ZNF461: variants seen among roughly 807,000 people sequenced by gnomAD.
ZNF461 encodes the protein gonadotropin-inducible ovarian transcription factor-1.
Under a neutral mutation model 18.3 loss-of-function variants are expected in ZNF461, and 16 were observed. The observed-to-expected ratio is 0.88, with a 90% CI of 0.59 to 1.33. ZNF461 has a LOEUF of 1.33. Among genes scored for constraint, ZNF461 ranks in the 40% most tolerant of loss-of-function variants. ZNF461 has a pLI of 0.00. For synonymous variants in ZNF461, 179 were observed against 216.9 expected (o/e 0.83, Z 1.54); for missense variants, 595 against 669.9 (o/e 0.89, Z 1.23).
intron 4 of ZNF461, among the ~76,000 whole-genome samples, chr19:36,644,754 C>T (rs1306902820): frequency 4.6e-5 from 7 of 151,092 alleles, no homozygotes; most frequent in South Asian, 2.1e-4. Flanking sequence ...GCCACCACAT[C>T]GGCTAATTTT....
Position 36,639,825 on chromosome 19 carries a change from T to C in ZNF461, c.520A>G (p.Ile174Val). 6.2e-7 allele frequency: 1 copy of C among 1,613,902 alleles called. No individual in the cohort carries two copies. Among genetic ancestry groups the C allele is most frequent in the Non-Finnish European group, 8.5e-7 (1 of 1,179,830 alleles). The change falls in exon 6 of 6, where the codon ATT becomes GTT. Residue 174 changes from isoleucine (I) to valine (V), a missense_variant. Ile to Val is a conservative substitution (Grantham distance 29). Coordinates refer to ENST00000588268, the MANE Select transcript of ZNF461 (RefSeq NM_153257.5). ...QLMINHENMP[I>V]FSQHTLLTQE... ...GTGAGTAAAGTATGTTGGCTAAAAATGGGCATGTTTTCATGGTTAATCATA... is the reference window on the plus strand; with the variant it reads ...GTGAGTAAAGTATGTTGGCTAAAAACGGGCATGTTTTCATGGTTAATCATA...
Position 36,664,703 on chromosome 19 carries a change from C to A in ZNF461, c.4G>T (p.Ala2Ser). The A allele has an allele frequency of 5.3e-6, 8 of 1,505,990 alleles. No homozygotes were observed. Among genetic ancestry groups the A allele is most frequent in the Non-Finnish European group, 6.2e-6 (7 of 1,134,174 alleles). The allele number at this position is 1,505,990 out of a possible 1,614,324, so 93.3% of individuals were successfully genotyped here. The change falls in exon 2 of 6, where the codon GCC becomes TCC. Residue 2 changes from alanine to serine, a missense_variant. Transcript: ENST00000588268. The stretch of plus-strand genomic sequence containing the variant: ...GCAAGAAAAAACCAACTTACATGGG[C>A]CATGTCTTATTTTAGAATTGAATGT... M[A>S]HELVMFRDVA...
chr19:36,656,217 C>G (rs992120710), intron 4 of ZNF461, among the ~76,000 whole-genome samples: 1 of 151,990 alleles, frequency 6.6e-6, no homozygotes, highest in Admixed American at 6.5e-5. Flanking sequence ...GATCTCCTGA[C>G]CTCGTGATCT....
Position 36,639,450 on chromosome 19 carries a change from T to G in ZNF461, c.895A>C (p.Lys299Gln), listed in dbSNP as rs1319551355. The G allele has an allele frequency of 1.2e-6, 2 of 1,614,090 alleles. No homozygotes were observed. The highest frequency in any genetic ancestry group is 1.7e-6 in the Non-Finnish European group (2 of 1,179,990). The stretch of plus-strand genomic sequence containing the variant: ...CCACATTCTTTACATTCATAAGGTT[T>G]CTCACCAGTGTGAATTCTTTGATGT... ...TLHQRIHTGE[K>Q]PYECKECGKA... Residue 299 changes from lysine to glutamine, a missense_variant, in exon 6 of 6, where the codon AAA becomes CAA. Lys to Gln is a moderately conservative substitution (Grantham distance 53). Coordinates refer to ENST00000588268, the MANE Select transcript of ZNF461 (RefSeq NM_153257.5).
At chr19:36,652,537 A>C (rs143929764) in intron 4 of ZNF461, among the ~76,000 whole-genome samples, 2 of 152,006 alleles carry the variant, frequency 1.3e-5, no homozygotes, top group African/African-American at 4.8e-5. Flanking sequence ...AATTTCTAAA[A>C]AAGAACATTG....
chr19:36,637,682 CA>C lies in ZNF461; in HGVS notation c.*970del, dbSNP rs377169661. The C allele has an allele frequency of 0.12, 24,953 of 204,556 alleles. 25 individuals are homozygous for C. The highest frequency in any genetic ancestry group is 0.23 in the South Asian group (5,379 of 23,296). 12.7% of individuals were successfully genotyped at this position (204,556 alleles called of 1,614,324 possible). On this transcript the variant is annotated 3_prime_UTR_variant, in exon 6 of 6. Transcript: ENST00000588268. The stretch of plus-strand genomic sequence containing the variant: ...ACTGGACTCCAGCCTGGGTGTGTCT[CA>C]AAAAAAAAAAAAATGAAGTAGGCCA...
rs774279105 is a variant in ZNF461 at position 36,664,675 on chromosome 19, G to C, written c.9+23C>G. ...AACAAAAAATCAAGTATTGTAATTA[G>C]GAGCAAGAAAAAACCAACTTACATG... On this transcript the variant is annotated intron_variant, in intron 2 of 5. Transcript: ENST00000588268. 1.5e-5 allele frequency: 22 copies of C among 1,509,994 alleles called. No individual in the cohort carries two copies. In the African/African-American group the frequency reaches 3.2e-4, roughly 22 times the overall value. 93.5% of individuals were successfully genotyped at this position (1,509,994 alleles called of 1,614,324 possible).
chr19:36,662,401 T>G (rs940898698), intron 2 of ZNF461, among the ~76,000 whole-genome samples: 5 of 151,916 alleles, frequency 3.3e-5, no homozygotes, highest in Non-Finnish European at 7.4e-5. Context: ...GGATTACAGA[T>G]GCGCACCACG....
Position 36,637,144 on chromosome 19 carries a change from G to C in ZNF461, c.*1509C>G, listed in dbSNP as rs1568636864. On this transcript the variant is annotated 3_prime_UTR_variant, in exon 6 of 6. Transcript: ENST00000588268. ...TTCTATTCGCTAAATCCAATAAATT[G>C]CATGTTAGAATGCATGTTAACATTA... The C allele has an allele frequency of 6.6e-6, 1 of 151,998 alleles. No homozygotes were observed. Among genetic ancestry groups the C allele is most frequent in the South Asian group, 2.1e-4 (1 of 4,806 alleles). The allele number at this position is 151,998 out of a possible 1,614,324, so 9.4% of individuals were successfully genotyped here.
rs202104365 is a variant in ZNF461, at chr19:36,639,918, C to A, written c.427G>T (p.Ala143Ser). 3.1e-6 allele frequency: 5 copies of A among 1,613,844 alleles called. No homozygotes were observed. The Admixed American group carries it at 8.3e-5, about 27-fold the overall frequency. ...AAATGACAGTTGCCTTCCCAGATAG[C>A]GCTGAAAATTGATCTCTCAGGACTA... is the stretch of plus-strand genomic sequence containing the variant. ...SHSPERSIFS[A>S]IWEGNCHFEQ... Residue 143 changes from alanine to serine, a missense_variant, in exon 6 of 6, where the codon GCT becomes TCT. By Grantham distance (99) the Ala-to-Ser change is moderately conservative. Coordinates refer to ENST00000588268, the MANE Select transcript of ZNF461 (RefSeq NM_153257.5).
rs373988613 is a variant in ZNF461 at position 36,660,013 on chromosome 19, G to A, written c.10-1588C>T. 2.4e-4 allele frequency among the ~76,000 whole-genome samples: 37 copies of A among 152,122 alleles called. No individual in the cohort carries two copies. In the South Asian group the frequency reaches 5.6e-3, roughly 23 times the overall value. ...ATTGTGAATTTCAAAGATTTCCCAC[G>A]TGTGATTTAATTAACCATTCATTCC... On this transcript the variant is annotated intron_variant, in intron 2 of 5. Transcript: ENST00000588268.
chr19:36,663,299 G>T (rs2037847732), intron 2 of ZNF461, among the ~76,000 whole-genome samples: 1 of 152,220 alleles, frequency 6.6e-6, no homozygotes, highest in Admixed American at 6.5e-5. Flanking sequence ...ATGGGCATAA[G>T]CTGCCATGCC....
intron 4 of ZNF461, among the ~76,000 whole-genome samples, chr19:36,654,534 A>AT (rs936357214): frequency 6.1e-5 from 9 of 148,110 alleles, no homozygotes; most frequent in South Asian, 4.3e-4. Context: ...TGCTAGGCTA[A>AT]TTTTTTTTTT....
rs2037509307 is a variant in ZNF461, at chr19:36,645,473, CTGAG to C, written c.233-1615_233-1612del. 2.0e-5 allele frequency among the ~76,000 whole-genome samples: 3 copies of C among 152,192 alleles called. No homozygotes were observed. In the South Asian group the frequency reaches 6.2e-4, roughly 32 times the overall value. On this transcript the variant is annotated intron_variant, in intron 4 of 5. Transcript: ENST00000588268. ...TCTCAATATTTGTTTTTGAGAAACA[CTGAG>C]TATTTTTTGAGAAACACTTTATTTC...
chr19:36,643,549 T>C, intron 5 of ZNF461: 1 of 262,600 alleles, frequency 3.8e-6, no homozygotes, highest in Non-Finnish European at 7.0e-6. Context: ...ATTTTCATAC[T>C]AATTCCGAGA....
intron 4 of ZNF461, among the ~76,000 whole-genome samples, chr19:36,653,180 G>A (rs2037658861): frequency 6.6e-6 from 1 of 152,122 alleles, no homozygotes; most frequent in Non-Finnish European, 1.5e-5. Context: ...TAATTTGGCA[G>A]CTCCTTGAAA....
chr19:36,664,637 AC>A, intron 2 of ZNF461, 60 bp downstream of exon 2: 1 of 1,428,024 alleles, frequency 7.0e-7, no homozygotes, highest in South Asian at 1.5e-5. Context: ...TACAAAAAAA[AC>A]AAAAACAAAC....
chr19:36,643,741 G>A (rs1324134728), intron 5 of ZNF461, 53 bp downstream of exon 5: 3 of 1,445,154 alleles, frequency 2.1e-6, no homozygotes, highest in South Asian at 3.0e-5. Context: ...GAAATTAGCT[G>A]ACTTTGTTAC....
chr19:36,650,684 A>G (rs2037610248), intron 4 of ZNF461, among the ~76,000 whole-genome samples: 3 of 152,078 alleles, frequency 2.0e-5, no homozygotes, highest in Non-Finnish European at 4.4e-5. Flanking sequence ...ATTGTTAACT[A>G]AATTTTAGCA....
Sources: gnomAD v4.1 joint callset for allele counts (sites outside exome capture counted in the v4.1 genomes callset) on GRCh38, gnomAD v4.1.1 for gene constraint, MANE v1.5 for transcripts, NCBI Gene and HGNC (gene_info 2026-07-23, HGNC 2026-07-21) for gene names.